ARHGAP27: variants seen among roughly 807,000 people sequenced by gnomAD.
The protein encoded by ARHGAP27 is Rho GTPase activating protein 27, also known as rho GTPase-activating protein 27.
ARHGAP27 carries 53 observed loss-of-function variants against 102.0 expected under a neutral mutation model. The ratio of observed to expected loss-of-function variants is 0.52; its 90% confidence interval spans 0.42 to 0.65. The LOEUF is 0.65. Among genes scored for constraint, ARHGAP27 ranks in the 30% least tolerant of loss-of-function variants. The pLI, the probability that ARHGAP27 is intolerant of heterozygous loss-of-function variation, is 0.00. For synonymous variants in ARHGAP27, 525 were observed against 542.8 expected (o/e 0.97, Z 0.46); for missense variants, 1,117 against 1,256.2 (o/e 0.89, Z 1.68).
At chr17:45,426,227 C>A (rs1480551827) in intron 4 of ARHGAP27, among the ~76,000 whole-genome samples, 1 of 152,108 alleles carries the variant, frequency 6.6e-6, no homozygotes, top group Non-Finnish European at 1.5e-5. Context: ...TGTCACTAAA[C>A]CTCTCTGAAC....
Position 45,405,999 on chromosome 17 carries a change from GA to G in ARHGAP27, c.741del (p.Ser249AlafsTer51). ...ATSPGAAAAP[L>X]PSPVWETHTD... ...GTGTGCGTCTCCCACACCGGGCTGG[GA>G]AGGGGGGCTGCAGCGGCGCCCGGTG... is the stretch of plus-strand genomic sequence containing the variant. On this transcript the variant is annotated frameshift_variant, in exon 5 of 20. Coordinates refer to ENST00000685559, the MANE Select transcript of ARHGAP27 (RefSeq NM_001282290.2). LOFTEE classifies it high-confidence loss of function. 7 of 1,535,562 alleles carry G rather than the reference GA, an allele frequency of 4.6e-6. No individual in the cohort carries two copies. Among genetic ancestry groups the G allele is most frequent in the Non-Finnish European group, 6.1e-6 (7 of 1,146,632 alleles).
chr17:45,414,225 C>G (rs535616424), intron 4 of ARHGAP27, among the ~76,000 whole-genome samples: 1 of 152,160 alleles, frequency 6.6e-6, no homozygotes. Flanking sequence ...TGCCCTCCCC[C>G]TCAAACGTAT....
rs1165040962 is a variant in ARHGAP27 at position 45,396,988 on chromosome 17, T to A, written c.1879A>T (p.Arg627Ter). ...ELPPEESESS[R>*]VDFGSSERLG... ...CGCTCGCTCGACCCGAAGTCCACTC[T>A]GCTGCTCTCGCTCTCCTCTGGGGGC... Residue 627 changes from arginine (R) to a stop codon, truncating the protein, a stop_gained, in exon 14 of 20, where the codon AGA (arginine) becomes TGA (stop). Transcript: ENST00000685559. LOFTEE classifies it high-confidence loss of function. 6.2e-7 allele frequency: 1 copy of A among 1,604,916 alleles called. No individual in the cohort carries two copies. Among genetic ancestry groups the A allele is most frequent in the Admixed American group, 1.7e-5 (1 of 60,022 alleles).
intron 4 of ARHGAP27, among the ~76,000 whole-genome samples, chr17:45,425,163 G>A (rs569193014): frequency 6.6e-6 from 1 of 152,088 alleles, no homozygotes; most frequent in South Asian, 2.1e-4. Flanking sequence ...GAGTCACCGG[G>A]AGGGAACTGG....
intron 4 of ARHGAP27, among the ~76,000 whole-genome samples, chr17:45,428,272 C>G (rs1319883425): frequency 6.6e-6 from 1 of 152,252 alleles, no homozygotes; most frequent in Non-Finnish European, 1.5e-5. Flanking sequence ...TGAGTGAAGG[C>G]GGCGGAGACC....
At chr17:45,405,231 G>T in intron 5 of ARHGAP27, 125 bp from the exon 6 acceptor site, 3 of 1,078,796 alleles carry the variant, frequency 2.8e-6, no homozygotes, top group Non-Finnish European at 3.9e-6. Flanking sequence ...AGGAGGCGGG[G>T]TCAGAAGCGC....
intron 4 of ARHGAP27, among the ~76,000 whole-genome samples, chr17:45,416,443 G>C (rs1382067540): frequency 6.6e-6 from 1 of 150,818 alleles, no homozygotes; most frequent in Non-Finnish European, 1.5e-5. Context: ...GGCAAATATT[G>C]TTTTTTCTCT....
chr17:45,396,740 G>A lies in ARHGAP27; in HGVS notation c.2002C>T (p.Arg668Trp), dbSNP rs755192707. The change falls in exon 15 of 20, where the codon CGG (arginine) becomes TGG (tryptophan). Residue 668 changes from arginine to tryptophan, a missense_variant. Transcript: ENST00000685559. Reference protein sequence around the residue: ...VGLESDLSKVRHKLRKFLQRR... With the variant: ...VGLESDLSKVWHKLRKFLQRR... ...TGGAGGAACTTGCGGAGCTTGTGCC[G>A]GACCTTGCTCAAGTCGCTCTCCAGG... The A allele has an allele frequency of 6.2e-7, 1 of 1,613,716 alleles. No individual in the cohort carries two copies. Among genetic ancestry groups the A allele is most frequent in the Non-Finnish European group, 8.5e-7 (1 of 1,179,736 alleles).
At chr17:45,412,784 A>G (rs1347295452) in intron 4 of ARHGAP27, among the ~76,000 whole-genome samples, 1 of 151,720 alleles carries the variant, frequency 6.6e-6, no homozygotes, top group Non-Finnish European at 1.5e-5. Flanking sequence ...GCTGGGGGTG[A>G]CCCCACAGGA....
intron 4 of ARHGAP27, among the ~76,000 whole-genome samples, chr17:45,420,355 G>A (rs1420308848): frequency 6.6e-6 from 1 of 152,096 alleles, no homozygotes; most frequent in Non-Finnish European, 1.5e-5. Flanking sequence ...TGTTGCTTGA[G>A]AGAGAAAATT....
chr17:45,395,680 G>C, intron 19 of ARHGAP27, 47 bp from the exon 20 acceptor site: 1 of 1,571,024 alleles, frequency 6.4e-7, no homozygotes, highest in South Asian at 1.2e-5. Context: ...GCGAACTGCG[G>C]GGAGGCGCTG....
rs1174023718 is a variant in ARHGAP27, at chr17:45,430,901, C to T, written c.-18-604G>A. On this transcript the variant is annotated intron_variant, in intron 3 of 19. Transcript: ENST00000685559. This position sits in a 1 kb window ranked among gnomAD's most constrained non-coding sequence, Gnocchi z 4.4. ...GGGGCTGTCGCTGCCCCCCTTAGTC[C>T]GAGGGCCTTGCTGTAGAGGCCTCCG... Among the ~76,000 whole-genome samples, 1 of 152,108 alleles carries T rather than the reference C, an allele frequency of 6.6e-6. No homozygotes were observed. Among genetic ancestry groups the T allele is most frequent in the East Asian group, 1.9e-4 (1 of 5,186 alleles).
intron 14 of ARHGAP27, 52 bp downstream of exon 14, chr17:45,396,864 C>A (rs1041898936): frequency 7.5e-6 from 12 of 1,607,200 alleles, no homozygotes; most frequent in Non-Finnish European, 1.0e-5. Context: ...GCAACCGTCA[C>A]TCCCCAGGAG....
intron 14 of ARHGAP27, 48 bp downstream of exon 14, chr17:45,396,868 C>T (rs2045794404): frequency 1.2e-6 from 2 of 1,607,138 alleles, no homozygotes; most frequent in African/African-American, 2.7e-5. Context: ...CCGTCACTCC[C>T]CAGGAGAGGC....
At chr17:45,429,573 C>T (rs1423648215) in intron 4 of ARHGAP27, 50 bp downstream of exon 4, 24 of 1,574,740 alleles carry the variant, frequency 1.5e-5, no homozygotes, top group Non-Finnish European at 2.0e-5. Flanking sequence ...CGTGCGGGCG[C>T]GGTCCCTAGC....
chr17:45,425,373 C>G (rs577604360), intron 4 of ARHGAP27, among the ~76,000 whole-genome samples: 3 of 152,244 alleles, frequency 2.0e-5, no homozygotes, highest in Non-Finnish European at 4.4e-5. Flanking sequence ...AGGGTCTGTC[C>G]CAAGGCCAGT....
chr17:45,400,868 T>C (rs2046355139), intron 12 of ARHGAP27, among the ~76,000 whole-genome samples: 1 of 152,174 alleles, frequency 6.6e-6, no homozygotes, highest in African/African-American at 2.4e-5. Context: ...TGAGCCAAGA[T>C]TGCACCACTG....
rs555932507 is a variant in ARHGAP27 at position 45,396,488 on chromosome 17, G to A, written c.2172C>T (p.Arg724=). The A allele has an allele frequency of 1.3e-6, 2 of 1,537,078 alleles. No individual in the cohort carries two copies. The highest frequency in any genetic ancestry group is 1.4e-5 in the African/African-American group (1 of 73,206). ...VQQCIRAVEA[R]GLDIDGLYRI... is the part of the protein sequence containing the mutation. ...CCCTCACCCCCGCAGCGCACGTACC[G>A]CGGGCCTCGACGGCGCGGATGCACT... Residue 724 remains arginine (R), a splice_region_variant and synonymous_variant, in exon 16 of 20, where the codon CGC becomes CGT. Coordinates refer to ENST00000685559, the MANE Select transcript of ARHGAP27 (RefSeq NM_001282290.2).
At position 45,404,204 on chromosome 17, in the gene ARHGAP27, C is replaced by A. The variant is rs372864414; in HGVS notation, c.1479+65G>T. Reference sequence around the variant, plus strand: ...GCTGCCACTCTCTATGGTCTGGGCCCGTGTCTCCACTGAACCCTCCTCGCC... The same window carrying A: ...GCTGCCACTCTCTATGGTCTGGGCCAGTGTCTCCACTGAACCCTCCTCGCC... On this transcript the variant is annotated intron_variant, in intron 9 of 19. Coordinates refer to ENST00000685559, the MANE Select transcript of ARHGAP27 (RefSeq NM_001282290.2). 10 of 1,610,350 alleles carry A rather than the reference C, an allele frequency of 6.2e-6. No homozygotes were observed. The African/African-American group carries it at 1.3e-4, about 22-fold the overall frequency.
Sources: allele counts gnomAD v4.1 joint callset (sites outside exome capture counted in the v4.1 genomes callset), GRCh38; gene constraint gnomAD v4.1.1; non-coding constraint Gnocchi (gnomAD v3.1); transcripts MANE v1.5; gene names NCBI Gene and HGNC (gene_info 2026-07-23, HGNC 2026-07-21).